TSPAN15: variants seen among roughly 807,000 people sequenced by gnomAD.
The protein encoded by TSPAN15 is tetraspanin 15, also known as tetraspanin-15.
A neutral mutation model predicts 34.5 loss-of-function variants in TSPAN15; 20 were observed. The ratio of observed to expected loss-of-function variants is 0.58; its 90% CI spans 0.41 to 0.84. TSPAN15 has a LOEUF of 0.84. TSPAN15 is among the 40% of genes least tolerant of loss of function. The pLI, the probability that TSPAN15 is intolerant of heterozygous loss-of-function variation, is 0.00. For synonymous variants in TSPAN15, 155 were observed against 153.9 expected, an observed-to-expected ratio of 1.01 and a Z score of -0.05; for missense variants, 313 against 386.1, an observed-to-expected ratio of 0.81 and a Z score of 1.59.
intron 2 of TSPAN15, among the ~76,000 whole-genome samples, chr10:69,484,270 C>T (rs1170150483): frequency 2.0e-5 from 3 of 152,192 alleles, no homozygotes; most frequent in Admixed American, 1.3e-4. Flanking sequence ...TCTCCCCAGC[C>T]CCTGCCAGCC....
chr10:69,485,754 CAG>C (rs1491309262), intron 3 of TSPAN15, among the ~76,000 whole-genome samples: 1 of 133,970 alleles, frequency 7.5e-6, no homozygotes. Context: ...AGGGTGTACA[CAG>C]GGGCCCAACT....
At chr10:69,502,678 C>T (rs949679331) in intron 5 of TSPAN15, among the ~76,000 whole-genome samples, 5 of 152,054 alleles carry the variant, frequency 3.3e-5, no homozygotes, top group Admixed American at 6.5e-5. Context: ...ATGGATGCAT[C>T]GTATCCCCTC....
intron 3 of TSPAN15, among the ~76,000 whole-genome samples, chr10:69,487,573 G>C (rs935653867): frequency 3.9e-5 from 6 of 152,248 alleles, no homozygotes; most frequent in Admixed American, 1.3e-4. Flanking sequence ...TGGAGCCCAG[G>C]TCCAGTTTGT....
At chr10:69,483,632 T>C (rs1447812705) in intron 1 of TSPAN15, 59 bp from the exon 2 acceptor site, 1 of 1,554,130 alleles carries the variant, frequency 6.4e-7, no homozygotes, top group Non-Finnish European at 8.8e-7. Context: ...AGATGACTCT[T>C]TGCTGTAGAA....
At chr10:69,493,618 G>A (rs1424238627) in intron 3 of TSPAN15, among the ~76,000 whole-genome samples, 4 of 151,996 alleles carry the variant, frequency 2.6e-5, no homozygotes, top group East Asian at 1.9e-4. Context: ...GACTACAGGC[G>A]CACGCTGCCA....
chr10:69,534,962 G>A, the TSPAN15 span, among the ~76,000 whole-genome samples: 2 of 152,112 alleles, frequency 1.3e-5, no homozygotes, highest in African/African-American at 2.4e-5. Context: ...TCCAGGTTGG[G>A]TGACAGGGTG....
the TSPAN15 span, among the ~76,000 whole-genome samples, chr10:69,534,798 C>T: frequency 7.6e-6 from 1 of 131,940 alleles, no homozygotes; most frequent in Non-Finnish European, 1.6e-5. Context: ...GCCTGGGCAA[C>T]AGAGTGAGAC....
At position 69,507,649 on chromosome 10, in the gene TSPAN15, ATGTT is replaced by A; in HGVS notation, c.*673_*676del. 11 of 1,153,840 alleles carry A rather than the reference ATGTT, an allele frequency of 9.5e-6. No homozygotes were observed. The South Asian group carries it at 1.0e-4, about 11-fold the overall frequency. The allele number at this position is 1,153,840 out of a possible 1,614,324, so 71.5% of individuals were successfully genotyped here. A position where few individuals can be genotyped will look rare whatever the true frequency, so the allele number is the denominator to read the frequency against. On this transcript the variant is annotated 3_prime_UTR_variant, in exon 8 of 8. Coordinates refer to ENST00000373290, the MANE Select transcript of TSPAN15 (RefSeq NM_012339.5). Reference sequence around the variant, plus strand: ...AGTTTGTTAATCAAACAATAAAAACATGTTTTTTTTTTTTTTTTTTTTTTGCCTT... The same window carrying A: ...AGTTTGTTAATCAAACAATAAAAACATTTTTTTTTTTTTTTTTTTTGCCTT...
the TSPAN15 span, among the ~76,000 whole-genome samples, chr10:69,520,993 C>CTT: frequency 5.4e-3 from 795 of 148,318 alleles, 11 homozygotes; most frequent in African/African-American, 0.018. Context: ...TGTTATTTTC[C>CTT]TTTTTTTTTT....
chr10:69,509,751 A>C (rs11497991), downstream of TSPAN15, among the ~76,000 whole-genome samples: 49,277 of 151,578 alleles, frequency 0.33, 8,701 homozygotes, highest in African/African-American at 0.48. Context: ...ATCTTGAGTT[A>C]ATTTTTGTAT....
At chr10:69,540,643 G>A in the TSPAN15 span, among the ~76,000 whole-genome samples, 1 of 152,164 alleles carries the variant, frequency 6.6e-6, no homozygotes, top group Non-Finnish European at 1.5e-5. Flanking sequence ...CTTGGTGAGA[G>A]TGAAGTCTGT....
chr10:69,477,627 G>A (rs115164222), intron 1 of TSPAN15, among the ~76,000 whole-genome samples: 1,691 of 152,328 alleles, frequency 0.011, 25 homozygotes, highest in African/African-American at 0.033. Context: ...CACGTGGCTC[G>A]TGGATACCAC....
the TSPAN15 span, among the ~76,000 whole-genome samples, chr10:69,525,057 A>T: frequency 1.4e-5 from 2 of 147,840 alleles, no homozygotes; most frequent in Non-Finnish European, 3.0e-5. Context: ...CTGGGATTAC[A>T]GGTGTGAGCC....
chr10:69,539,491 A>G, the TSPAN15 span, among the ~76,000 whole-genome samples: 810 of 58,720 alleles, frequency 0.014, 46 homozygotes, highest in East Asian at 0.026. Flanking sequence ...GGAGAAGAAG[A>G]AGAAGAAGAA....
In TSPAN15 at chr10:69,506,887, AGCACTCTGTCACTGATGG is replaced by A; in HGVS notation, c.797_814del (p.His266_Gly271del). The A allele has an allele frequency of 6.2e-7, 1 of 1,606,036 alleles. No individual in the cohort carries two copies. Among genetic ancestry groups the A allele is most frequent in the Non-Finnish European group, 8.5e-7 (1 of 1,176,922 alleles). On this transcript the variant is annotated inframe_deletion, in exon 8 of 8. Coordinates refer to ENST00000373290, the MANE Select transcript of TSPAN15 (RefSeq NM_012339.5). This position sits in a 1 kb window ranked among gnomAD's most constrained non-coding sequence, Gnocchi z 4.7. ...ACCCGGGTGGAGGACATCATCATGG[AGCACTCTGTCACTGATGG>A]GCTCCTGGGGCCCGGTGCCAAGCCC...
At chr10:69,490,765 C>T (rs1168051513) in intron 3 of TSPAN15, among the ~76,000 whole-genome samples, 1 of 152,198 alleles carries the variant, frequency 6.6e-6, no homozygotes, top group Non-Finnish European at 1.5e-5. Flanking sequence ...ATACCTAATA[C>T]ATTGTAAATG....
At chr10:69,543,719 T>A in the TSPAN15 span, among the ~76,000 whole-genome samples, 1 of 151,822 alleles carries the variant, frequency 6.6e-6, no homozygotes, top group African/African-American at 2.4e-5. Context: ...CCGGAATGGA[T>A]GACATTTTCA....
At chr10:69,538,787 G>T in the TSPAN15 span, among the ~76,000 whole-genome samples, 2 of 152,192 alleles carry the variant, frequency 1.3e-5, no homozygotes, top group Non-Finnish European at 2.9e-5. Context: ...TTGCATGCAC[G>T]TGTAGACGCC....
chr10:69,548,150 G>C, the TSPAN15 span, among the ~76,000 whole-genome samples: 1 of 152,068 alleles, frequency 6.6e-6, no homozygotes, highest in Non-Finnish European at 1.5e-5. Context: ...TAATCAGAAA[G>C]GGGGGAAAGG....
Sources: gnomAD v4.1 joint callset for allele counts (sites outside exome capture counted in the v4.1 genomes callset) on GRCh38, gnomAD v4.1.1 for gene constraint, Gnocchi (gnomAD v3.1) non-coding constraint, MANE v1.5 for transcripts, NCBI Gene and HGNC (gene_info 2026-07-23, HGNC 2026-07-21) for gene names.